Variants in FER observed in about 807,000 individuals in gnomAD.
FER encodes FER tyrosine kinase.
FER carries 63 observed loss-of-function variants against 111.0 expected under a neutral mutation model. The ratio of observed to expected loss-of-function variants is 0.57; its 90% CI spans 0.46 to 0.70. FER has a LOEUF of 0.70. Ranked by LOEUF, FER falls within the 30% of genes least tolerant of loss-of-function variation. The pLI is 0.00. For missense variants in FER, 914 were observed against 954.0 expected (o/e 0.96, Z 0.55); for synonymous variants, 327 against 313.9 (o/e 1.04, Z -0.44).
intron 13 of FER, among the ~76,000 whole-genome samples, chr5:108,974,214 A>G (rs1761037706): frequency 6.6e-6 from 1 of 152,202 alleles, no homozygotes; most frequent in African/African-American, 2.4e-5. Context: ...CTGGTTGGCA[A>G]GATAGATTAG....
chr5:108,753,534 AT>A (rs1750731510), intron 1 of FER, among the ~76,000 whole-genome samples: 1 of 152,118 alleles, frequency 6.6e-6, no homozygotes, highest in Non-Finnish European at 1.5e-5. Context: ...AATTCCTTTC[AT>A]TTAAACCACA....
intron 17 of FER, among the ~76,000 whole-genome samples, chr5:109,108,604 A>G (rs1206799677): frequency 6.6e-6 from 1 of 152,164 alleles, no homozygotes; most frequent in Non-Finnish European, 1.5e-5. Flanking sequence ...CAGGAGATCA[A>G]TCTCAGTACA....
rs890466383 is a variant in FER at position 109,195,088 on chromosome 5, G to A, written c.*7513G>A. ...GAAAGAAAGAAACACACCCTCTTATGTAGGAATTTCCCTTTTACAAATAAT... is the reference window on the plus strand; with the variant it reads ...GAAAGAAAGAAACACACCCTCTTATATAGGAATTTCCCTTTTACAAATAAT... On this transcript the variant is annotated 3_prime_UTR_variant, in exon 20 of 20. Coordinates refer to ENST00000281092, the MANE Select transcript of FER (RefSeq NM_005246.4). The A allele has an allele frequency of 5.3e-5, 8 of 152,128 alleles. No homozygotes were observed. The highest frequency in any genetic ancestry group is 1.9e-4 in the African/African-American group (8 of 41,436). 9.4% of individuals were successfully genotyped at this position (152,128 alleles called of 1,614,324 possible).
intron 5 of FER, among the ~76,000 whole-genome samples, chr5:108,860,985 A>G (rs1763463573): frequency 6.6e-6 from 1 of 152,048 alleles, no homozygotes; most frequent in Admixed American, 6.6e-5. Flanking sequence ...GGGTAAAAAT[A>G]CCCCTTCATG....
chr5:109,031,000 A>G (rs1364579206), intron 13 of FER, among the ~76,000 whole-genome samples: 2 of 151,590 alleles, frequency 1.3e-5, no homozygotes, highest in African/African-American at 4.8e-5. Context: ...CTTGTGGGCC[A>G]TCCCAGTATT....
At chr5:109,021,161 A>G (rs1264740160) in intron 13 of FER, among the ~76,000 whole-genome samples, 1 of 151,994 alleles carries the variant, frequency 6.6e-6, no homozygotes, top group African/African-American at 2.4e-5. Flanking sequence ...TATAATACGT[A>G]TATTTGCTGT....
At chr5:108,751,671 G>A (rs1354966129) in intron 1 of FER, among the ~76,000 whole-genome samples, 2 of 152,126 alleles carry the variant, frequency 1.3e-5, no homozygotes, top group African/African-American at 2.4e-5. Flanking sequence ...AATGGAAAAA[G>A]CTTACAAAGG....
chr5:108,992,509 C>T (rs1212685206), intron 13 of FER, among the ~76,000 whole-genome samples: 2 of 127,232 alleles, frequency 1.6e-5, no homozygotes, highest in East Asian at 4.1e-4. Flanking sequence ...GGGGGGCTGA[C>T]CCCCCACCTC....
At chr5:108,765,452 C>T (rs992541337) in intron 1 of FER, among the ~76,000 whole-genome samples, 3 of 152,024 alleles carry the variant, frequency 2.0e-5, no homozygotes, top group African/African-American at 7.2e-5. Flanking sequence ...CAGGGTATTG[C>T]TCTCTTACCC....
intron 13 of FER, among the ~76,000 whole-genome samples, chr5:109,030,173 T>TG (rs1286610360): frequency 6.6e-6 from 1 of 152,218 alleles, no homozygotes; most frequent in Non-Finnish European, 1.5e-5. Context: ...GTTCTTTTTT[T>TG]AATAACTTCT....
intron 2 of FER, among the ~76,000 whole-genome samples, chr5:108,795,630 C>T (rs756172715): frequency 2.0e-5 from 3 of 151,972 alleles, no homozygotes; most frequent in East Asian, 1.9e-4. Flanking sequence ...TCTGCTTCAT[C>T]GATTCTGATA....
intron 17 of FER, among the ~76,000 whole-genome samples, chr5:109,125,507 C>A (rs1222260013): frequency 2.0e-5 from 3 of 152,122 alleles, no homozygotes; most frequent in Admixed American, 2.0e-4. Flanking sequence ...TAAAATAATA[C>A]AATTTCAGAC....
At chr5:108,923,440 G>A (rs889825088) in intron 10 of FER, among the ~76,000 whole-genome samples, 13 of 152,136 alleles carry the variant, frequency 8.5e-5, no homozygotes, top group South Asian at 8.3e-4. Context: ...GAAGTTTTAC[G>A]GAGTAAGACT....
intron 9 of FER, chr5:108,894,290 G>T (rs1467340456): frequency 3.0e-6 from 2 of 674,874 alleles, no homozygotes; most frequent in Non-Finnish European, 4.1e-6. Context: ...AGGGGTTCAG[G>T]TTGGGACTTG....
At chr5:108,909,269 T>A (rs1200047154) in intron 10 of FER, among the ~76,000 whole-genome samples, 1 of 152,228 alleles carries the variant, frequency 6.6e-6, no homozygotes, top group Admixed American at 6.5e-5. Flanking sequence ...TTAAATCCTT[T>A]TTTTTATTAT....
chr5:108,923,198 T>G (rs1753264488), intron 10 of FER, among the ~76,000 whole-genome samples: 2 of 152,002 alleles, frequency 1.3e-5, no homozygotes, highest in African/African-American at 2.4e-5. Context: ...AAATATAAAA[T>G]TTTATAAAAT....
rs1309867227 is a variant in FER at position 109,183,102 on chromosome 5, T to C, written c.2203+2201T>C. On this transcript the variant is annotated intron_variant, in intron 18 of 19. Coordinates refer to ENST00000281092, the MANE Select transcript of FER (RefSeq NM_005246.4). Reference sequence around the variant, plus strand: ...AATTTAGATGACAAGGAAGGAGAGATTTTGATATAGGAGACGTTTATAGTA... The same window carrying C: ...AATTTAGATGACAAGGAAGGAGAGACTTTGATATAGGAGACGTTTATAGTA... Among the ~76,000 whole-genome samples, 3 of 152,218 alleles carry C rather than the reference T, an allele frequency of 2.0e-5. No homozygotes were observed. In the East Asian group the frequency reaches 5.8e-4, roughly 29 times the overall value.
chr5:108,854,954 A>AG (rs1432790626), intron 5 of FER, among the ~76,000 whole-genome samples: 1 of 150,490 alleles, frequency 6.6e-6, no homozygotes, highest in Non-Finnish European at 1.5e-5. Flanking sequence ...CTCAAAAAAA[A>AG]AAAAAAAAAA....
chr5:108,933,860 G>T (rs546225169), intron 10 of FER, among the ~76,000 whole-genome samples: 1 of 152,134 alleles, frequency 6.6e-6, no homozygotes, highest in African/African-American at 2.4e-5. Flanking sequence ...TATTCTCTCT[G>T]TAGCAGTTTT....
Sources: allele counts gnomAD v4.1 joint callset (sites outside exome capture counted in the v4.1 genomes callset), GRCh38; gene constraint gnomAD v4.1.1; transcripts MANE v1.5; gene names NCBI Gene and HGNC (gene_info 2026-07-23, HGNC 2026-07-21).